Variants in TMEM117 observed in about 807,000 individuals in gnomAD.
TMEM117 encodes the protein transmembrane protein 117.
A neutral mutation model predicts 52.4 loss-of-function variants in TMEM117; 27 were observed. That is an observed-to-expected ratio of 0.51 (90% CI 0.38 to 0.71). The LOEUF is 0.71. Among genes scored for constraint, TMEM117 ranks in the 30% least tolerant of loss-of-function variants. TMEM117 has a pLI of 0.00. For synonymous variants in TMEM117, 215 were observed against 206.3 expected (o/e 1.04, Z -0.36); for missense variants, 556 against 630.5 (o/e 0.88, Z 1.26).
At chr12:44,384,505 G>T (rs1029260553) in intron 7 of TMEM117, among the ~76,000 whole-genome samples, 1 of 151,944 alleles carries the variant, frequency 6.6e-6, no homozygotes, top group Non-Finnish European at 1.5e-5. Flanking sequence ...AGATATAAAA[G>T]GTCTTTCCTC....
Position 44,054,271 on chromosome 12 carries a change from C to T in TMEM117, c.411-89254C>T, listed in dbSNP as rs11182406. On this transcript the variant is annotated intron_variant, in intron 3 of 7. Coordinates refer to ENST00000266534, the MANE Select transcript of TMEM117 (RefSeq NM_032256.3). ...TTTATCGAGGATTGGAAAGGAATAACTTATCTAGTAATTTCTAAATTTTCA... is the reference window on the plus strand; with the variant it reads ...TTTATCGAGGATTGGAAAGGAATAATTTATCTAGTAATTTCTAAATTTTCA... Among the ~76,000 whole-genome samples, 152 of 152,268 alleles carry T rather than the reference C, an allele frequency of 1.0e-3. 2 individuals carry two copies. The East Asian group carries it at 0.025, about 25-fold the overall frequency.
intron 3 of TMEM117, among the ~76,000 whole-genome samples, chr12:44,025,904 C>A (rs572894317): frequency 1.2e-3 from 183 of 152,202 alleles, no homozygotes; most frequent in African/African-American, 4.2e-3. Context: ...CCTATCCGCC[C>A]CCCCCACCCA....
chr12:43,956,991 A>G (rs1422841492), intron 3 of TMEM117, among the ~76,000 whole-genome samples: 1 of 152,198 alleles, frequency 6.6e-6, no homozygotes, highest in Non-Finnish European at 1.5e-5. Flanking sequence ...GAACGAGATC[A>G]TGTCCTTTGT....
chr12:44,333,654 G>T (rs1163059286), intron 6 of TMEM117, among the ~76,000 whole-genome samples: 1 of 151,950 alleles, frequency 6.6e-6, no homozygotes, highest in Non-Finnish European at 1.5e-5. Context: ...GTTTCCTGAG[G>T]CCTCCCCAGC....
chr12:44,090,571 G>T (rs1485413181), intron 3 of TMEM117, among the ~76,000 whole-genome samples: 1 of 151,792 alleles, frequency 6.6e-6, no homozygotes, highest in East Asian at 1.9e-4. Flanking sequence ...CGAGTAGCTG[G>T]GATTACAGGC....
At chr12:43,905,901 C>G (rs4768537) in intron 2 of TMEM117, among the ~76,000 whole-genome samples, 53,627 of 152,066 alleles carry the variant, frequency 0.35, 11,216 homozygotes, top group Non-Finnish European at 0.48. Context: ...TAAAAGTGTA[C>G]TGTATATTCT....
At chr12:44,200,630 G>T (rs1949483042) in intron 4 of TMEM117, among the ~76,000 whole-genome samples, 1 of 152,090 alleles carries the variant, frequency 6.6e-6, no homozygotes, top group Non-Finnish European at 1.5e-5. Context: ...TCAACCAAAA[G>T]AACACAGAGA....
chr12:43,838,293 T>C (rs1297461995), intron 1 of TMEM117, among the ~76,000 whole-genome samples: 1 of 151,986 alleles, frequency 6.6e-6, no homozygotes, highest in Non-Finnish European at 1.5e-5. Context: ...ACCAGGTAGG[T>C]TGGAAAGTAA....
rs1279333867 is a variant in TMEM117, at chr12:43,852,333, A to G, written c.277+7405A>G. Among the ~76,000 whole-genome samples the G allele has an allele frequency of 2.0e-5, 3 of 152,218 alleles. No individual in the cohort carries two copies. The South Asian group carries it at 6.2e-4, about 32-fold the overall frequency. On this transcript the variant is annotated intron_variant, in intron 2 of 7. Transcript: ENST00000266534. ...GTAGTCCCAGCTAGTGGGGAGGCTG[A>G]GGCAGGAGATTGGCGTGAACCCGGG...
chr12:44,020,529 C>G (rs1283350568), intron 3 of TMEM117, among the ~76,000 whole-genome samples: 2 of 152,186 alleles, frequency 1.3e-5, no homozygotes, highest in Non-Finnish European at 2.9e-5. Context: ...ATTTAAAGGA[C>G]TTCCCTAACA....
At chr12:44,314,567 C>CT (rs755148669) in intron 6 of TMEM117, among the ~76,000 whole-genome samples, 5,420 of 130,572 alleles carry the variant, frequency 0.042, 198 homozygotes, top group African/African-American at 0.093. Context: ...GTTTCTTCTT[C>CT]TTTTTTTTTT....
chr12:44,062,521 C>G (rs1947155867), intron 3 of TMEM117, among the ~76,000 whole-genome samples: 1 of 152,168 alleles, frequency 6.6e-6, no homozygotes, highest in African/African-American at 2.4e-5. Context: ...TTAATTTTCC[C>G]ATTAACTGGT....
chr12:44,066,976 T>G (rs1947230500), intron 3 of TMEM117, among the ~76,000 whole-genome samples: 1 of 152,200 alleles, frequency 6.6e-6, no homozygotes, highest in African/African-American at 2.4e-5. Context: ...GTCAACTAAA[T>G]TTACGTAAAA....
intron 3 of TMEM117, among the ~76,000 whole-genome samples, chr12:43,978,693 A>C (rs1945712470): frequency 6.6e-6 from 1 of 152,160 alleles, no homozygotes; most frequent in East Asian, 1.9e-4. Context: ...ATCTAGAGAT[A>C]GGGGCATTAT....
chr12:44,226,181 AT>A (rs1949858521), intron 5 of TMEM117, among the ~76,000 whole-genome samples: 1 of 152,138 alleles, frequency 6.6e-6, no homozygotes, highest in South Asian at 2.1e-4. Context: ...ACCAGGCAGA[AT>A]TGCTACCACT....
At position 44,388,194 on chromosome 12, in the gene TMEM117, A is replaced by T; in HGVS notation, c.1067A>T (p.Lys356Met). ...SESLKDLNRT[K>M]LSWEWRSNHT... ...AGTTTAAAAGATTTGAACAGAACCA[A>T]GCTATCCTGGGAATGGAGGTCCAAT... Residue 356 changes from lysine (K) to methionine (M), a missense_variant, in exon 8 of 8, where the codon AAG becomes ATG. By Grantham distance (95) the Lys-to-Met change is moderately conservative. Transcript: ENST00000266534. 1 of 1,613,466 alleles carries T rather than the reference A, an allele frequency of 6.2e-7. No individual in the cohort carries two copies. Among genetic ancestry groups the T allele is most frequent in the Non-Finnish European group, 8.5e-7 (1 of 1,179,630 alleles).
chr12:43,981,053 G>A (rs1379091102), intron 3 of TMEM117, among the ~76,000 whole-genome samples: 1 of 152,096 alleles, frequency 6.6e-6, no homozygotes, highest in South Asian at 2.1e-4. Context: ...AAGAACAGCT[G>A]CCTTCAGCTC....
intron 3 of TMEM117, among the ~76,000 whole-genome samples, chr12:43,980,602 A>ACTTAC (rs1945744849): frequency 6.6e-6 from 1 of 152,156 alleles, no homozygotes; most frequent in East Asian, 1.9e-4. Flanking sequence ...GTGGGCACCA[A>ACTTAC]TGACTTACTG....
At position 43,933,286 on chromosome 12, in the gene TMEM117, G is replaced by GC. The variant is rs1384307420; in HGVS notation, c.278-10918dup. On this transcript the variant is annotated intron_variant, in intron 2 of 7. Coordinates refer to ENST00000266534, the MANE Select transcript of TMEM117 (RefSeq NM_032256.3). ...ACGATCTCGGCTCACTGCAGGCTCC[G>GC]CCCCCCAGGGTTCACGCCATTCTCC... 4.0e-5 allele frequency among the ~76,000 whole-genome samples: 6 copies of GC among 150,582 alleles called. No individual in the cohort carries two copies. In the South Asian group the frequency reaches 6.3e-4, roughly 16 times the overall value.
Sources: gnomAD v4.1 joint callset for allele counts (sites outside exome capture counted in the v4.1 genomes callset) on GRCh38, gnomAD v4.1.1 for gene constraint, MANE v1.5 for transcripts, NCBI Gene and HGNC (gene_info 2026-07-23, HGNC 2026-07-21) for gene names.